The following PLCXD3 variants were observed in gnomAD, a reference collection of about 807,000 sequenced individuals.
PLCXD3 encodes the protein phosphatidylinositol specific phospholipase C X domain containing 3.
PLCXD3 carries 19 observed loss-of-function variants against 25.5 expected under a neutral mutation model. The observed-to-expected ratio is 0.75, with a 90% confidence interval of 0.52 to 1.09. The LOEUF is 1.09. Ranked by LOEUF, PLCXD3 falls within the 50% of genes least tolerant of loss-of-function variation. PLCXD3 has a pLI of 0.00. For missense variants in PLCXD3, 411 were observed against 388.1 expected (o/e 1.06, Z -0.50); for synonymous variants, 174 against 137.6 (o/e 1.26, Z -1.85).
intron 1 of PLCXD3, among the ~76,000 whole-genome samples, chr5:41,486,719 C>T (rs932775484): frequency 6.6e-6 from 1 of 152,070 alleles, no homozygotes; most frequent in South Asian, 2.1e-4. Context: ...ATGTAATGGT[C>T]GAAAGAGCTA....
At chr5:41,340,833 G>A (rs1744119562) in intron 2 of PLCXD3, among the ~76,000 whole-genome samples, 1 of 152,176 alleles carries the variant, frequency 6.6e-6, no homozygotes, top group Non-Finnish European at 1.5e-5. Context: ...AAGTCATTAA[G>A]TGGAAGTTAT....
intron 2 of PLCXD3, among the ~76,000 whole-genome samples, chr5:41,358,101 C>G (rs1744670204): frequency 6.6e-6 from 1 of 152,166 alleles, no homozygotes; most frequent in Admixed American, 6.6e-5. Context: ...ATGTACCAGA[C>G]AGAGAGCTAA....
At chr5:41,393,135 G>C (rs758147917) in intron 1 of PLCXD3, among the ~76,000 whole-genome samples, 5 of 152,136 alleles carry the variant, frequency 3.3e-5, no homozygotes, top group Middle Eastern at 6.8e-3. Flanking sequence ...AAGTCATAGG[G>C]GTAGAAAGTT....
chr5:41,510,334 G>C (rs372811437), intron 1 of PLCXD3, 90 bp downstream of exon 1: 2 of 1,145,038 alleles, frequency 1.7e-6, no homozygotes, highest in Non-Finnish European at 2.5e-6. Context: ...CGCGGGCATC[G>C]TGGCAAGTTA....
At chr5:41,477,745 A>C (rs2150521880) in intron 1 of PLCXD3, among the ~76,000 whole-genome samples, 1 of 152,242 alleles carries the variant, frequency 6.6e-6, no homozygotes, top group South Asian at 2.1e-4. Context: ...TCTCAGTGCA[A>C]TTTCCTACTT....
rs1405743234 is a variant in PLCXD3 at position 41,366,870 on chromosome 5, TA to T, written c.812+14955del. The stretch of plus-strand genomic sequence containing the variant: ...GTGTTCTCATTTTTCCTCTCCCACT[TA>T]TAAGTGAGAACATGCAGTGTTTGCT... On this transcript the variant is annotated intron_variant, in intron 2 of 2. Coordinates refer to ENST00000377801, the MANE Select transcript of PLCXD3 (RefSeq NM_001005473.3). Among the ~76,000 whole-genome samples the T allele has an allele frequency of 2.0e-5, 3 of 152,208 alleles. No homozygotes were observed. The East Asian group carries it at 5.8e-4, about 29-fold the overall frequency.
At chr5:41,454,368 C>T (rs536591977) in intron 1 of PLCXD3, among the ~76,000 whole-genome samples, 3 of 151,946 alleles carry the variant, frequency 2.0e-5, no homozygotes, top group Non-Finnish European at 4.4e-5. Flanking sequence ...TAAGTGCTGG[C>T]AGATTTGGTA....
chr5:41,503,904 G>C (rs1055938126), intron 1 of PLCXD3, among the ~76,000 whole-genome samples: 7 of 152,186 alleles, frequency 4.6e-5, no homozygotes, highest in African/African-American at 1.7e-4. Context: ...CATCCTCACT[G>C]GTGGTAATAG....
intron 1 of PLCXD3, among the ~76,000 whole-genome samples, chr5:41,406,979 C>G (rs756577956): frequency 6.6e-6 from 1 of 152,196 alleles, no homozygotes; most frequent in Non-Finnish European, 1.5e-5. Flanking sequence ...CTCTACCACC[C>G]TGTCACTAAA....
At chr5:41,327,803 T>C (rs575375501) in intron 2 of PLCXD3, among the ~76,000 whole-genome samples, 1 of 152,312 alleles carries the variant, frequency 6.6e-6, no homozygotes, top group African/African-American at 2.4e-5. Context: ...TTTCATTAGA[T>C]GTTGGATTTT....
chr5:41,456,555 T>C, intron 1 of PLCXD3: 1 of 943,680 alleles, frequency 1.1e-6, no homozygotes, highest in Non-Finnish European at 1.3e-6. Flanking sequence ...ACCCATTTTA[T>C]TAATGCTGGA....
At position 41,307,002 on chromosome 5, in the gene PLCXD3, T is replaced by C. The variant is rs1039428627; in HGVS notation, c.*6615A>G. 2.0e-5 allele frequency: 3 copies of C among 152,612 alleles called. No individual in the cohort carries two copies. Among genetic ancestry groups the C allele is most frequent in the African/African-American group, 7.2e-5 (3 of 41,456 alleles). The allele number at this position is 152,612 out of a possible 1,614,324, so 9.5% of individuals were successfully genotyped here. The stretch of plus-strand genomic sequence containing the variant: ...CATTTCACTGAATACAAATAAACTT[T>C]TATTTTTTACATTAAGAACACAATC... On this transcript the variant is annotated 3_prime_UTR_variant, in exon 3 of 3. Coordinates refer to ENST00000377801, the MANE Select transcript of PLCXD3 (RefSeq NM_001005473.3).
At chr5:41,451,750 G>A (rs1428483594) in intron 1 of PLCXD3, among the ~76,000 whole-genome samples, 2 of 151,688 alleles carry the variant, frequency 1.3e-5, no homozygotes, top group African/African-American at 4.8e-5. Context: ...CTAAGAACTA[G>A]CTCTCCATGA....
At chr5:41,353,908 G>A (rs1047694817) in intron 2 of PLCXD3, among the ~76,000 whole-genome samples, 2 of 152,160 alleles carry the variant, frequency 1.3e-5, no homozygotes, top group African/African-American at 4.8e-5. Context: ...ACCAGAATTT[G>A]AACTTCTCTA....
intron 2 of PLCXD3, among the ~76,000 whole-genome samples, chr5:41,343,097 T>C (rs1744198560): frequency 6.6e-6 from 1 of 152,144 alleles, no homozygotes; most frequent in Non-Finnish European, 1.5e-5. Context: ...AAAACTGTGC[T>C]ATCAAACTTG....
intron 1 of PLCXD3, among the ~76,000 whole-genome samples, chr5:41,451,025 G>A (rs1747617815): frequency 6.6e-6 from 1 of 152,032 alleles, no homozygotes; most frequent in Non-Finnish European, 1.5e-5. Context: ...TTCATCTCTG[G>A]TTTGGAGGAG....
chr5:41,396,350 C>T (rs1018214223), intron 1 of PLCXD3, among the ~76,000 whole-genome samples: 1 of 152,122 alleles, frequency 6.6e-6, no homozygotes, highest in South Asian at 2.1e-4. Flanking sequence ...TCCTGCTCCA[C>T]CATGGTAAGA....
At chr5:41,396,764 A>C (rs1287383082) in intron 1 of PLCXD3, among the ~76,000 whole-genome samples, 1 of 152,220 alleles carries the variant, frequency 6.6e-6, no homozygotes, top group Non-Finnish European at 1.5e-5. Context: ...GAGATGAGGA[A>C]CTTATTGAAA....
chr5:41,325,232 T>C (rs1217213326), intron 2 of PLCXD3, among the ~76,000 whole-genome samples: 7 of 152,216 alleles, frequency 4.6e-5, no homozygotes, highest in Non-Finnish European at 8.8e-5. Flanking sequence ...CTCTGAGTCA[T>C]GGGAATATTT....
Sources: allele counts gnomAD v4.1 joint callset (sites outside exome capture counted in the v4.1 genomes callset), GRCh38; gene constraint gnomAD v4.1.1; transcripts MANE v1.5; gene names NCBI Gene and HGNC (gene_info 2026-07-23, HGNC 2026-07-21).